SLC12A8: variants seen among roughly 807,000 people sequenced by gnomAD.
SLC12A8 encodes the protein solute carrier family 12 member 8, also known as cation-chloride cotransporter 9.
SLC12A8 carries 69 observed loss-of-function variants against 75.6 expected under a neutral mutation model. The ratio of observed to expected loss-of-function variants is 0.91; its 90% CI spans 0.75 to 1.11. The LOEUF (loss-of-function observed/expected upper bound fraction) is 1.11. SLC12A8 is among the 50% of genes most tolerant of loss of function. SLC12A8 has a pLI of 0.00. For synonymous variants in SLC12A8, 365 were observed against 372.8 expected, an observed-to-expected ratio of 0.98 and a Z score of 0.24; for missense variants, 877 against 896.7, an observed-to-expected ratio of 0.98 and a Z score of 0.28.
In SLC12A8 at chr3:125,107,779, G is replaced by C. The variant is rs1311173145; in HGVS notation, c.1407C>G (p.Thr469=). The C allele has an allele frequency of 1.2e-6, 2 of 1,614,050 alleles. No homozygotes were observed. Among genetic ancestry groups the C allele is most frequent in the Non-Finnish European group, 1.7e-6 (2 of 1,180,034 alleles). Residue 469 remains threonine (T), a synonymous_variant, in exon 10 of 14, where the codon ACC becomes ACG. Transcript: ENST00000469902. Reference sequence around the variant, plus strand: ...TGGGCTGGCTACTCTCAAGCTTCCTGGTTAGCTGGAGGAGCTGATCCATGT... The same window carrying C: ...TGGGCTGGCTACTCTCAAGCTTCCTCGTTAGCTGGAGGAGCTGATCCATGT... ...TKDMDQLLQL[T]RKLESSQPRQ...
chr3:125,125,445 G>A (rs1374816030), intron 6 of SLC12A8, among the ~76,000 whole-genome samples: 5 of 152,164 alleles, frequency 3.3e-5, no homozygotes, highest in Non-Finnish European at 7.4e-5. Flanking sequence ...TGTAGTCCCA[G>A]CTACTTGGGA....
At chr3:125,138,576 C>CA (rs1182045193) in intron 5 of SLC12A8, among the ~76,000 whole-genome samples, 5 of 151,012 alleles carry the variant, frequency 3.3e-5, no homozygotes, top group South Asian at 2.1e-4. Flanking sequence ...AGTATAAATA[C>CA]AAAAAAAGGT....
chr3:125,091,785 CTA>C (rs1938587610), intron 11 of SLC12A8, among the ~76,000 whole-genome samples: 2 of 152,286 alleles, frequency 1.3e-5, no homozygotes, highest in South Asian at 4.1e-4. Context: ...ACTAGATATT[CTA>C]TCTTATCTCC....
rs567892657 is a variant in SLC12A8, at chr3:125,131,615, C to T, written c.736+4054G>A. 5.3e-5 allele frequency among the ~76,000 whole-genome samples: 8 copies of T among 152,176 alleles called. No homozygotes were observed. In the South Asian group the frequency reaches 6.2e-4, roughly 12 times the overall value. On this transcript the variant is annotated intron_variant, in intron 6 of 13. Coordinates refer to ENST00000469902, the MANE Select transcript of SLC12A8 (RefSeq NM_024628.6). The stretch of plus-strand genomic sequence containing the variant: ...GTTGGCCAGGCTGGTCTCAAACTCC[C>T]GGGCTCAAGTGATCTGCCCACGTCA...
At chr3:125,119,273 A>C (rs1932990617) in intron 7 of SLC12A8, 1 of 157,768 alleles carries the variant, frequency 6.3e-6, no homozygotes, top group Non-Finnish European at 1.4e-5. Context: ...TGGGAGGCCC[A>C]GTTGCCTCTA....
In SLC12A8 at chr3:125,120,689, G is replaced by C. The variant is rs549522352; in HGVS notation, c.737-3C>G. 1 of 1,612,700 alleles carries C rather than the reference G, an allele frequency of 6.2e-7. No homozygotes were observed. The highest frequency in any genetic ancestry group is 1.1e-5 in the South Asian group (1 of 90,866). On this transcript the variant is annotated splice_polypyrimidine_tract_variant and splice_region_variant and intron_variant, in intron 6 of 13. Coordinates refer to ENST00000469902, the MANE Select transcript of SLC12A8 (RefSeq NM_024628.6). ...CATGTTGAAGCCGGCCATGACTCCT[G>C]AAAGACACCCAGATGGGGAATGGGG... is the stretch of plus-strand genomic sequence containing the variant.
chr3:125,193,936 G>T (rs543127690), intron 2 of SLC12A8, among the ~76,000 whole-genome samples: 105 of 152,310 alleles, frequency 6.9e-4, no homozygotes, highest in African/African-American at 2.5e-3. Context: ...TTAGGACCTA[G>T]TGTCCCAGAT....
chr3:125,088,284 G>A (rs377068915), intron 13 of SLC12A8, 26 bp downstream of exon 13: 62 of 1,611,850 alleles, frequency 3.8e-5, no homozygotes, highest in Non-Finnish European at 4.8e-5. Flanking sequence ...CATCCATTCT[G>A]GTACTGGCTC....
intron 6 of SLC12A8, among the ~76,000 whole-genome samples, chr3:125,130,375 T>G: frequency 6.6e-6 from 1 of 151,854 alleles, no homozygotes; most frequent in Middle Eastern, 3.2e-3. Flanking sequence ...GTGGATCACT[T>G]GAGGTCAAGA....
intron 2 of SLC12A8, among the ~76,000 whole-genome samples, chr3:125,197,547 C>T (rs536496540): frequency 6.6e-6 from 1 of 152,302 alleles, no homozygotes; most frequent in East Asian, 1.9e-4. Context: ...CTGTCTCAGC[C>T]CTGCAGAGTG....
chr3:125,191,775 A>G (rs1294383544), intron 2 of SLC12A8, among the ~76,000 whole-genome samples: 1 of 152,176 alleles, frequency 6.6e-6, no homozygotes, highest in Non-Finnish European at 1.5e-5. Flanking sequence ...TCCACAGATC[A>G]AGAAGGGGCC....
intron 8 of SLC12A8, among the ~76,000 whole-genome samples, chr3:125,114,796 C>T (rs1013140238): frequency 3.9e-5 from 6 of 152,088 alleles, no homozygotes; most frequent in African/African-American, 1.4e-4. Flanking sequence ...GTTAGCAAGC[C>T]CCAGGGCTCC....
At chr3:125,104,003 TA>T (rs57011863) in intron 10 of SLC12A8, among the ~76,000 whole-genome samples, 68,374 of 135,352 alleles carry the variant, frequency 0.51, 16,887 homozygotes, top group Middle Eastern at 0.65. Flanking sequence ...CTCCAAGATT[TA>T]AAAAAAAAAA....
chr3:125,162,154 C>T lies in SLC12A8; in HGVS notation c.622+15589G>A, dbSNP rs12496436. ...CGACTGCAGATAAGCAGCTAAGGGG[C>T]TAGGGTTCTCCACACCTCCATGTGG... On this transcript the variant is annotated intron_variant, in intron 5 of 13. Transcript: ENST00000469902. Among the ~76,000 whole-genome samples the T allele has an allele frequency of 2.8e-3, 429 of 152,380 alleles. 1 individual carries two copies. Among genetic ancestry groups the T allele is most frequent in the Middle Eastern group, 0.01 (3 of 294 alleles).
intron 13 of SLC12A8, chr3:125,088,107 G>A (rs1444085997): frequency 3.4e-6 from 2 of 582,666 alleles, no homozygotes; most frequent in Non-Finnish European, 6.2e-6. Flanking sequence ...GAGCCTAGAG[G>A]AAGCTTCTGA....
chr3:125,128,413 C>G (rs1181398763), intron 6 of SLC12A8, among the ~76,000 whole-genome samples: 1 of 148,164 alleles, frequency 6.7e-6, no homozygotes, highest in Non-Finnish European at 1.5e-5. Flanking sequence ...ATCTCCTGAC[C>G]TCGTGATCCG....
At chr3:125,091,649 T>A in intron 11 of SLC12A8, 93 bp from the exon 12 acceptor site, 2 of 813,600 alleles carry the variant, frequency 2.5e-6, no homozygotes, top group Non-Finnish European at 4.3e-6. Context: ...CAACATTCCC[T>A]CTCATCAACT....
intron 5 of SLC12A8, among the ~76,000 whole-genome samples, chr3:125,155,750 C>CCAAAAAAAAAAAA (rs1934035334): frequency 1.4e-5 from 1 of 69,454 alleles, no homozygotes; most frequent in Admixed American, 1.7e-4. Flanking sequence ...GACTCTGTCT[C>CCAAAAAAAAAAAA]AAAAAAAAAA....
chr3:125,170,650 C>T (rs1409940187), intron 5 of SLC12A8, among the ~76,000 whole-genome samples: 3 of 152,240 alleles, frequency 2.0e-5, no homozygotes, highest in African/African-American at 4.8e-5. Context: ...CGTGGTGGCT[C>T]ACGCCTGTAA....
Sources: allele counts gnomAD v4.1 joint callset (sites outside exome capture counted in the v4.1 genomes callset), GRCh38; gene constraint gnomAD v4.1.1; transcripts MANE v1.5; gene names NCBI Gene and HGNC (gene_info 2026-07-23, HGNC 2026-07-21).